The following TBL1X variants were observed in gnomAD, a reference collection of about 807,000 sequenced individuals.
The protein encoded by TBL1X is transducin beta like 1 X-linked, also known as F-box-like/WD repeat-containing protein TBL1X.
In TBL1X, 10 loss-of-function variants were observed where a neutral mutation model predicts 50.7. That is an observed-to-expected ratio of 0.20 (90% CI 0.12 to 0.33). The LOEUF is 0.33. Among genes scored for constraint, TBL1X ranks in the 10% least tolerant of loss-of-function variants. TBL1X has a pLI of 1.00. For synonymous variants in TBL1X, 190 were observed against 214.7 expected (o/e 0.88, Z 1.01); for missense variants, 340 against 504.4 (o/e 0.67, Z 3.12).
At chrX:9,661,431 G>A (rs1273446302) in intron 5 of TBL1X, among the ~76,000 whole-genome samples, 4 of 111,592 alleles carry the variant, frequency 3.6e-5, no homozygotes, top group African/African-American at 6.5e-5. Flanking sequence ...AGGCTGAGGC[G>A]GGAGGACTGC....
intron 1 of TBL1X, among the ~76,000 whole-genome samples, chrX:9,492,873 G>A (rs1569206083): frequency 2.0e-5 from 1 of 50,028 alleles, no homozygotes; most frequent in African/African-American, 7.7e-5. Flanking sequence ...GTGTGTGTGT[G>A]TGTGTGTGTG....
chrX:9,596,660 TG>T (rs2082527880), intron 2 of TBL1X, among the ~76,000 whole-genome samples: 1 of 111,403 alleles, frequency 9.0e-6, no homozygotes, highest in South Asian at 3.9e-4. Flanking sequence ...TAATGCCTCT[TG>T]GGGGGCATAA....
chrX:9,465,708 A>G (rs1004700945), intron 1 of TBL1X, among the ~76,000 whole-genome samples: 7 of 112,220 alleles, frequency 6.2e-5, no homozygotes, highest in African/African-American at 2.3e-4. Flanking sequence ...GGAGAGACGG[A>G]GGTCGGCGGG....
chrX:9,712,190 G>A (rs1264408384), intron 16 of TBL1X, among the ~76,000 whole-genome samples: 2 of 112,865 alleles, frequency 1.8e-5, no homozygotes, highest in Non-Finnish European at 3.8e-5. Context: ...GAAGGTGGGA[G>A]TGGGGGACCA....
At chrX:9,589,443 A>G (rs931709861) in intron 2 of TBL1X, among the ~76,000 whole-genome samples, 4 of 109,417 alleles carry the variant, frequency 3.7e-5, no homozygotes, top group African/African-American at 1.3e-4. Flanking sequence ...CGGGATAGAA[A>G]TTACACAAAA....
At chrX:9,555,238 G>A (rs1048601812) in intron 2 of TBL1X, among the ~76,000 whole-genome samples, 3 of 110,598 alleles carry the variant, frequency 2.7e-5, no homozygotes, top group African/African-American at 9.9e-5. Context: ...ACCACGCCTG[G>A]CTAATTTGTT....
At chrX:9,607,804 T>TA (rs1465921348) in intron 2 of TBL1X, among the ~76,000 whole-genome samples, 3 of 110,717 alleles carry the variant, frequency 2.7e-5, no homozygotes, top group Admixed American at 9.6e-5. Flanking sequence ...TTTATTTTTT[T>TA]AAGTTGATTT....
At chrX:9,516,105 G>A (rs1344401224) in intron 2 of TBL1X, among the ~76,000 whole-genome samples, 1 of 110,782 alleles carries the variant, frequency 9.0e-6, no homozygotes, top group Non-Finnish European at 1.9e-5. Flanking sequence ...TCATGTGCAC[G>A]GACATAGTGT....
At position 9,628,747 on chromosome X, in the gene TBL1X, C is replaced by T. The variant is rs185632611; in HGVS notation, c.-130-11526C>T. On this transcript the variant is annotated intron_variant, in intron 2 of 17. Coordinates refer to ENST00000645353, the MANE Select transcript of TBL1X (RefSeq NM_005647.4). Reference sequence around the variant, plus strand: ...ATTTTTAGTAGAGACAGGGTTTCTCCGTGTTGGCCAGGCTGGTCTCAAACT... The same window carrying T: ...ATTTTTAGTAGAGACAGGGTTTCTCTGTGTTGGCCAGGCTGGTCTCAAACT... 7.3e-4 allele frequency among the ~76,000 whole-genome samples: 81 copies of T among 111,391 alleles called. No individual in the cohort carries two copies. The Admixed American group carries it at 7.4e-3, about 10-fold the overall frequency.
At chrX:9,480,390 T>A (rs747426228) in intron 1 of TBL1X, among the ~76,000 whole-genome samples, 144 of 112,584 alleles carry the variant, frequency 1.3e-3, no homozygotes, top group African/African-American at 4.4e-3. Flanking sequence ...ACTGAAAGTT[T>A]AAGCAAGTTG....
chrX:9,568,966 A>G (rs1161058392), intron 2 of TBL1X, among the ~76,000 whole-genome samples: 4 of 96,945 alleles, frequency 4.1e-5, no homozygotes, highest in Non-Finnish European at 8.2e-5. Flanking sequence ...TGTTGTGTCT[A>G]TCTGTGCAGT....
At chrX:9,549,918 C>T (rs2082262881) in intron 2 of TBL1X, among the ~76,000 whole-genome samples, 1 of 111,600 alleles carries the variant, frequency 9.0e-6, no homozygotes, top group African/African-American at 3.3e-5. Context: ...GGTACTGAGT[C>T]ACTGGCACCT....
chrX:9,653,484 C>A, intron 3 of TBL1X, 61 bp from the exon 4 acceptor site: 1 of 721,443 alleles, frequency 1.4e-6, no homozygotes, highest in Non-Finnish European at 2.0e-6. Flanking sequence ...GCAGCGGATT[C>A]TGTGGTGAAA....
intron 2 of TBL1X, among the ~76,000 whole-genome samples, chrX:9,589,912 G>A (rs1569067203): frequency 8.9e-6 from 1 of 111,737 alleles, no homozygotes; most frequent in Non-Finnish European, 1.9e-5. Context: ...TCATCATCAC[G>A]ATGAGGGCAT....
chrX:9,636,629 T>C (rs2082749508), intron 2 of TBL1X: 1 of 111,665 alleles, frequency 9.0e-6, no homozygotes, highest in Non-Finnish European at 1.9e-5. Flanking sequence ...GAGGAGTCTT[T>C]AAAGTTGCTA....
intron 2 of TBL1X, among the ~76,000 whole-genome samples, chrX:9,564,867 A>T (rs2082341664): frequency 9.0e-6 from 1 of 111,015 alleles, no homozygotes; most frequent in African/African-American, 3.3e-5. Context: ...CATGTAAAAA[A>T]TGTAATAGAT....
At chrX:9,528,414 G>C (rs930144962) in intron 2 of TBL1X, among the ~76,000 whole-genome samples, 3 of 110,889 alleles carry the variant, frequency 2.7e-5, no homozygotes, top group Non-Finnish European at 5.7e-5. Flanking sequence ...AGAGCGAGGA[G>C]TTCTCCCGAG....
At chrX:9,697,782 A>C (rs779026111) in intron 12 of TBL1X, among the ~76,000 whole-genome samples, 90 of 111,563 alleles carry the variant, frequency 8.1e-4, no homozygotes, top group Admixed American at 1.6e-3. Flanking sequence ...AAAACTACTA[A>C]TAATAATAAT....
intron 1 of TBL1X, among the ~76,000 whole-genome samples, chrX:9,483,460 C>T (rs1393727863): frequency 1.9e-5 from 2 of 105,992 alleles, no homozygotes; most frequent in African/African-American, 6.9e-5. Context: ...AAACCCTGAG[C>T]GCCCCTTGGC....
Sources: allele counts gnomAD v4.1 joint callset (sites outside exome capture counted in the v4.1 genomes callset), GRCh38; gene constraint gnomAD v4.1.1; transcripts MANE v1.5; gene names NCBI Gene and HGNC (gene_info 2026-07-23, HGNC 2026-07-21).